MYO9A: variants seen among roughly 807,000 people sequenced by gnomAD.
The protein encoded by MYO9A is unconventional myosin-IXa.
Under a neutral mutation model 293.3 loss-of-function variants are expected in MYO9A, and 103 were observed. That is an observed-to-expected ratio of 0.35 (90% confidence interval 0.30 to 0.41). The LOEUF (loss-of-function observed/expected upper bound fraction) is 0.41. Among genes scored for constraint, MYO9A ranks in the 10% least tolerant of loss-of-function variants. The pLI, the probability that MYO9A is intolerant of heterozygous loss-of-function variation, is 1.00. For synonymous variants in MYO9A, 1,001 were observed against 1,035.7 expected, an observed-to-expected ratio of 0.97 and a Z score of 0.64; for missense variants, 2,685 against 3,033.0, an observed-to-expected ratio of 0.89 and a Z score of 2.69.
chr15:72,002,089 T>C (rs1166305127), intron 8 of MYO9A, among the ~76,000 whole-genome samples: 1 of 152,064 alleles, frequency 6.6e-6, no homozygotes, highest in African/African-American at 2.4e-5. Context: ...ACCTCCTCTC[T>C]ACTAAAAATA....
chr15:72,046,411 G>A lies in MYO9A; in HGVS notation c.153C>T (p.Asn51=), dbSNP rs868859849. ...ATTTTGTTTTGTCAAGATGAAGTTT[G>A]TTTATAAGAGACTCAATCACCTCAG... The part of the protein sequence containing the change: ...TAAEVIESLI[N]KLHLDKTKCY... The change falls in exon 2 of 42, where the codon AAC becomes AAT. Residue 51 remains asparagine, a synonymous_variant. Coordinates refer to ENST00000356056, the MANE Select transcript of MYO9A (RefSeq NM_006901.4). 2 of 1,614,182 alleles carry A rather than the reference G, an allele frequency of 1.2e-6. No individual in the cohort carries two copies.
intron 39 of MYO9A, among the ~76,000 whole-genome samples, chr15:71,833,308 T>C (rs1164156670): frequency 6.6e-6 from 1 of 151,874 alleles, no homozygotes; most frequent in African/African-American, 2.4e-5. Flanking sequence ...AGACATACCA[T>C]GCAAATACCA....
intron 1 of MYO9A, among the ~76,000 whole-genome samples, chr15:72,080,093 C>T (rs946592204): frequency 2.6e-5 from 4 of 152,198 alleles, no homozygotes; most frequent in Non-Finnish European, 4.4e-5. Flanking sequence ...TTTTATTACT[C>T]GGCTGATTAT....
intron 1 of MYO9A, among the ~76,000 whole-genome samples, chr15:72,100,019 C>T (rs797005671): frequency 9.3e-5 from 14 of 150,764 alleles, no homozygotes; most frequent in African/African-American, 3.2e-4. Context: ...GGAGGTGAGG[C>T]AGGCGGATCA....
intron 28 of MYO9A, among the ~76,000 whole-genome samples, chr15:71,881,948 T>C (rs2056884518): frequency 6.6e-6 from 1 of 152,212 alleles, no homozygotes; most frequent in Non-Finnish European, 1.5e-5. Flanking sequence ...GTAGTATTCA[T>C]TTAACTTGTT....
chr15:71,931,028 C>T (rs1385299191), intron 18 of MYO9A, among the ~76,000 whole-genome samples: 1 of 152,096 alleles, frequency 6.6e-6, no homozygotes, highest in Admixed American at 6.6e-5. Context: ...ATTTGTGTCC[C>T]TTCACAAACT....
At chr15:72,111,075 C>T (rs901952387) in intron 1 of MYO9A, among the ~76,000 whole-genome samples, 7 of 151,296 alleles carry the variant, frequency 4.6e-5, no homozygotes, top group African/African-American at 7.3e-5. Flanking sequence ...AGGAGAATGG[C>T]GTGAACCTGG....
At chr15:71,836,239 A>G (rs1595993710) in intron 39 of MYO9A, among the ~76,000 whole-genome samples, 1 of 152,164 alleles carries the variant, frequency 6.6e-6, no homozygotes, top group East Asian at 1.9e-4. Context: ...GCTCCTCACA[A>G]AAGAGGATAC....
At chr15:71,940,845 C>T (rs1344603857) in intron 15 of MYO9A, among the ~76,000 whole-genome samples, 5 of 151,902 alleles carry the variant, frequency 3.3e-5, no homozygotes, top group African/African-American at 1.2e-4. Context: ...GGCTTGAGTC[C>T]AAGAGTTCAA....
chr15:71,936,770 G>A (rs531216795), intron 16 of MYO9A, among the ~76,000 whole-genome samples: 65 of 151,880 alleles, frequency 4.3e-4, no homozygotes, highest in Admixed American at 1.1e-3. Context: ...ATTTAGAAAC[G>A]CTTGTATTTT....
intron 4 of MYO9A, 90 bp downstream of exon 4, chr15:72,027,641 A>G: frequency 1.0e-6 from 1 of 994,554 alleles, no homozygotes; most frequent in South Asian, 1.6e-5. Context: ...CGTAAACTGA[A>G]TTAAGGGTCA....
Position 71,899,823 on chromosome 15 carries a change from A to G in MYO9A, c.3334T>C (p.Tyr1112His), listed in dbSNP as rs111499891. ...IVIQQKWRDY[Y>H]RRRHMAAICI... Reference sequence around the variant, plus strand: ...ATAGCAGCCATGTGCCTGCGCCTATAGTAATCTCTCCATTTCTGCTGGATA... The same window carrying G: ...ATAGCAGCCATGTGCCTGCGCCTATGGTAATCTCTCCATTTCTGCTGGATA... Residue 1112 changes from tyrosine (Y) to histidine (H), a missense_variant, in exon 24 of 42, where the codon TAT becomes CAT. By Grantham distance (83) the Tyr-to-His change is moderately conservative. Transcript: ENST00000356056. The G allele has an allele frequency of 6.2e-7, 1 of 1,614,130 alleles. No homozygotes were observed. Among genetic ancestry groups the G allele is most frequent in the Admixed American group, 1.7e-5 (1 of 60,008 alleles).
chr15:71,864,347 T>C (rs2625534), intron 32 of MYO9A, among the ~76,000 whole-genome samples: 8 of 152,172 alleles, frequency 5.3e-5, no homozygotes, highest in African/African-American at 1.7e-4. Flanking sequence ...TTGGTAAGAA[T>C]GTGGATAGAC....
chr15:72,033,236 T>G (rs1472287486), intron 2 of MYO9A, among the ~76,000 whole-genome samples: 1 of 152,216 alleles, frequency 6.6e-6, no homozygotes, highest in Non-Finnish European at 1.5e-5. Context: ...CAAAAAAGTC[T>G]TAATATATTT....
chr15:71,990,011 G>A (rs1384328257), intron 11 of MYO9A, among the ~76,000 whole-genome samples: 6 of 151,812 alleles, frequency 4.0e-5, no homozygotes, highest in Non-Finnish European at 8.8e-5. Flanking sequence ...GGGCGACAGA[G>A]CAAGAAGACC....
At chr15:71,965,730 G>T (rs1159117818) in intron 13 of MYO9A, among the ~76,000 whole-genome samples, 1 of 152,288 alleles carries the variant, frequency 6.6e-6, no homozygotes, top group Middle Eastern at 3.4e-3. Flanking sequence ...AGAGCGAAGC[G>T]AGACTCCGTC....
At chr15:71,934,350 T>A (rs796839249) in intron 17 of MYO9A, among the ~76,000 whole-genome samples, 6 of 152,242 alleles carry the variant, frequency 3.9e-5, no homozygotes, top group African/African-American at 1.4e-4. Context: ...TAACTTTTCA[T>A]TATGTAATAA....
chr15:72,099,909 CAAAAAAAAAA>C (rs34892673), intron 1 of MYO9A, among the ~76,000 whole-genome samples: 2 of 39,818 alleles, frequency 5.0e-5, no homozygotes, highest in African/African-American at 1.3e-4. Flanking sequence ...GACTTGGTCT[CAAAAAAAAAA>C]AAAAAAAAAA....
intron 18 of MYO9A, among the ~76,000 whole-genome samples, chr15:71,931,215 T>G (rs2058465641): frequency 6.6e-6 from 1 of 152,200 alleles, no homozygotes; most frequent in African/African-American, 2.4e-5. Flanking sequence ...GTCCTTTAGC[T>G]TGAAGAACTT....
Sources: allele counts gnomAD v4.1 joint callset (sites outside exome capture counted in the v4.1 genomes callset), GRCh38; gene constraint gnomAD v4.1.1; transcripts MANE v1.5; gene names NCBI Gene and HGNC (gene_info 2026-07-23, HGNC 2026-07-21).